The following ATP8B1 variants were observed in gnomAD, a reference collection of about 807,000 sequenced individuals.
The protein encoded by ATP8B1 is phospholipid-transporting ATPase IC.
ATP8B1 carries 80 observed loss-of-function variants against 149.9 expected under a neutral mutation model. The ratio of observed to expected loss-of-function variants is 0.53; its 90% confidence interval spans 0.45 to 0.64. The LOEUF (loss-of-function observed/expected upper bound fraction) is 0.64, where lower values mean the gene tolerates loss of function less well. Among genes scored for constraint, ATP8B1 ranks in the 30% least tolerant of loss-of-function variants. ATP8B1 has a pLI of 0.00. For synonymous variants in ATP8B1, 536 were observed against 562.8 expected, an observed-to-expected ratio of 0.95 and a Z score of 0.67; for missense variants, 1,247 against 1,552.6, an observed-to-expected ratio of 0.80 and a Z score of 3.31.
chr18:57,711,655 T>C (rs372241829), intron 2 of ATP8B1, among the ~76,000 whole-genome samples: 1 of 152,188 alleles, frequency 6.6e-6, no homozygotes, highest in South Asian at 2.1e-4. Context: ...TGCAGTGGCA[T>C]GCTCATAGCT....
chr18:57,778,228 CTTT>C (rs5825238), intron 1 of ATP8B1, among the ~76,000 whole-genome samples: 2 of 97,668 alleles, frequency 2.0e-5, no homozygotes, highest in Non-Finnish European at 1.9e-5. Context: ...TTTTCTTTTT[CTTT>C]TTTTTTTTTT....
chr18:57,661,107 C>A, intron 22 of ATP8B1, 67 bp downstream of exon 22: 1 of 1,584,488 alleles, frequency 6.3e-7, no homozygotes, highest in Non-Finnish European at 8.6e-7. Context: ...AATCCACCCC[C>A]TACACATTCC....
At chr18:57,778,622 C>T (rs904918561) in intron 1 of ATP8B1, among the ~76,000 whole-genome samples, 14 of 152,142 alleles carry the variant, frequency 9.2e-5, no homozygotes, top group African/African-American at 3.4e-4. Context: ...GCTGCAGTCA[C>T]CTAAAGGTCG....
At chr18:57,675,075 C>A in intron 15 of ATP8B1, 53 bp from the exon 16 acceptor site, 1 of 1,584,468 alleles carries the variant, frequency 6.3e-7, no homozygotes, top group Non-Finnish European at 8.6e-7. Flanking sequence ...AAATGCAGAG[C>A]TCATTGTTGA....
At chr18:57,749,916 T>C (rs1282366480) in intron 1 of ATP8B1, among the ~76,000 whole-genome samples, 1 of 152,092 alleles carries the variant, frequency 6.6e-6, no homozygotes, top group South Asian at 2.1e-4. Context: ...ATGGAATTAG[T>C]GTAAGAATAG....
rs1457009818 is a variant in ATP8B1, at chr18:57,784,119, G to A, written c.-26+18879C>T. 6.6e-6 allele frequency among the ~76,000 whole-genome samples: 1 copy of A among 152,226 alleles called. No individual in the cohort carries two copies. The highest frequency in any genetic ancestry group is 1.9e-4 in the East Asian group (1 of 5,196). Reference sequence around the variant, plus strand: ...GCAAAAGATAAGGAGCCTTTCAGAGGAAGAGCTTTTCAAGCGAGAAAGCAG... The same window carrying A: ...GCAAAAGATAAGGAGCCTTTCAGAGAAAGAGCTTTTCAAGCGAGAAAGCAG... On this transcript the variant is annotated intron_variant, in intron 1 of 27. Coordinates refer to ENST00000648908, the MANE Select transcript of ATP8B1 (RefSeq NM_001374385.1). The surrounding 1 kb of genome is among the most constrained non-coding windows in gnomAD (Gnocchi z 4.4).
chr18:57,654,033 A>T lies in ATP8B1; in HGVS notation c.2974T>A (p.Tyr992Asn). ...ATGAGGAGCACGGGCAGGCTGGTGT[A>T]CAGCACGTTGTAGAGGGTGATGAAC... The part of the protein sequence containing the change: ...DWFITLYNVL[Y>N]TSLPVLLMGL... The change falls in exon 24 of 28, where the codon TAC becomes AAC. Residue 992 changes from tyrosine (Y) to asparagine (N), a missense_variant. Around this residue, in one of 3 missense-constraint regions of ATP8B1, gnomAD observed 230 missense variants for 356.6 expected, o/e 0.65. Transcript: ENST00000648908. 6.8e-6 allele frequency: 11 copies of T among 1,614,130 alleles called. No homozygotes were observed. The highest frequency in any genetic ancestry group is 9.3e-6 in the Non-Finnish European group (11 of 1,180,004).
intron 1 of ATP8B1, among the ~76,000 whole-genome samples, chr18:57,794,483 A>T (rs896578570): frequency 7.7e-5 from 11 of 142,146 alleles, no homozygotes; most frequent in Non-Finnish European, 1.5e-4. Context: ...AAAAAAAAAA[A>T]AAGTCAATTC....
intron 22 of ATP8B1, among the ~76,000 whole-genome samples, chr18:57,660,462 C>T (rs1371376822): frequency 1.3e-5 from 2 of 152,184 alleles, no homozygotes; most frequent in Non-Finnish European, 2.9e-5. Flanking sequence ...AAAGCAAGCA[C>T]CAGCCAGAGT....
chr18:57,684,691 A>G (rs1912145487), intron 14 of ATP8B1, among the ~76,000 whole-genome samples: 1 of 152,176 alleles, frequency 6.6e-6, no homozygotes, highest in Non-Finnish European at 1.5e-5. Context: ...TTCCCCCAAA[A>G]GATATGTTGA....
rs934033492 is a variant in ATP8B1, at chr18:57,674,791, A to T, written c.1819+43T>A. On this transcript the variant is annotated intron_variant, in intron 16 of 27. Coordinates refer to ENST00000648908, the MANE Select transcript of ATP8B1 (RefSeq NM_001374385.1). Reference sequence around the variant, plus strand: ...ACTCAATACAATGGGCACAAGCAACATCTAAATGAGCGATTCATAGACAGA... The same window carrying T: ...ACTCAATACAATGGGCACAAGCAACTTCTAAATGAGCGATTCATAGACAGA... The T allele has an allele frequency of 3.7e-6, 6 of 1,603,724 alleles. No individual in the cohort carries two copies. The South Asian group carries it at 6.6e-5, about 18-fold the overall frequency.
At chr18:57,763,999 C>T (rs868840438) in intron 1 of ATP8B1, among the ~76,000 whole-genome samples, 29 of 152,216 alleles carry the variant, frequency 1.9e-4, no homozygotes, top group Admixed American at 4.6e-4. Context: ...CTGAGAAGCA[C>T]GATATCCCCA....
At chr18:57,769,330 G>A (rs968629423) in intron 1 of ATP8B1, among the ~76,000 whole-genome samples, 13 of 152,258 alleles carry the variant, frequency 8.5e-5, no homozygotes, top group African/African-American at 3.1e-4. Flanking sequence ...TCCCTGCTCT[G>A]CTATTAAATG....
intron 22 of ATP8B1, among the ~76,000 whole-genome samples, chr18:57,658,088 C>T (rs12965049): frequency 0.2 from 30,500 of 151,542 alleles, 3,704 homozygotes; most frequent in Middle Eastern, 0.28. Flanking sequence ...TTTCTGTCGC[C>T]CAGGCTGGAG....
chr18:57,652,588 C>T lies in ATP8B1; in HGVS notation c.3157G>A (p.Gly1053Arg). Residue 1053 changes from glycine (G) to arginine (R), a missense_variant, in exon 25 of 28, where the codon GGA becomes AGA. By Grantham distance (125) the Gly-to-Arg change is moderately radical (BLOSUM62 -2). Coordinates refer to ENST00000648908, the MANE Select transcript of ATP8B1 (RefSeq NM_001374385.1). Reference sequence around the variant, plus strand: ...TGCCCTACGGTTTGCAGATAAGCTCCAAGAGGTATGAAGAAGAGGATCATC... The same window carrying T: ...TGCCCTACGGTTTGCAGATAAGCTCTAAGAGGTATGAAGAAGAGGATCATC... Reference protein sequence around the residue: ...TSMILFFIPLGAYLQTVGQDG... With the variant: ...TSMILFFIPLRAYLQTVGQDG... The T allele has an allele frequency of 6.2e-7, 1 of 1,614,142 alleles. No individual in the cohort carries two copies. Among genetic ancestry groups the T allele is most frequent in the Non-Finnish European group, 8.5e-7 (1 of 1,180,022 alleles).
chr18:57,760,907 T>A (rs1248345777), intron 1 of ATP8B1, among the ~76,000 whole-genome samples: 1 of 151,886 alleles, frequency 6.6e-6, no homozygotes, highest in African/African-American at 2.4e-5. Flanking sequence ...GAGAATCGCT[T>A]GAACCCAGGA....
intron 20 of ATP8B1, among the ~76,000 whole-genome samples, chr18:57,666,287 C>T (rs1007166168): frequency 2.0e-5 from 3 of 152,136 alleles, no homozygotes; most frequent in Admixed American, 6.5e-5. Flanking sequence ...AGCTAACAAA[C>T]GTTTCAGCAT....
intron 26 of ATP8B1, among the ~76,000 whole-genome samples, chr18:57,651,579 A>G (rs913518375): frequency 2.0e-5 from 3 of 151,988 alleles, no homozygotes; most frequent in Admixed American, 6.6e-5. Context: ...CAGACAAGAC[A>G]TTAATTTTCA....
intron 1 of ATP8B1, among the ~76,000 whole-genome samples, chr18:57,797,703 C>CTTTTTTTTTT (rs59261353): frequency 4.5e-4 from 43 of 96,282 alleles, no homozygotes; most frequent in Non-Finnish European, 5.9e-4. Flanking sequence ...TTCTTTCTTT[C>CTTTTTTTTTT]TTTTTTTTTT....
Sources: gnomAD v4.1 joint callset for allele counts (sites outside exome capture counted in the v4.1 genomes callset) on GRCh38, gnomAD v4.1.1 for gene constraint, gnomAD v4.1.1 regional missense constraint, Gnocchi (gnomAD v3.1) non-coding constraint, MANE v1.5 for transcripts, NCBI Gene and HGNC (gene_info 2026-07-23, HGNC 2026-07-21) for gene names.